RIMS1: variants seen among roughly 807,000 people sequenced by gnomAD.
RIMS1 encodes regulating synaptic membrane exocytosis 1, also known as regulating synaptic membrane exocytosis protein 1.
A neutral mutation model predicts 214.1 loss-of-function variants in RIMS1; 83 were observed. That is an observed-to-expected ratio of 0.39 (90% CI 0.32 to 0.47). The LOEUF (loss-of-function observed/expected upper bound fraction) is 0.47, where lower values mean the gene tolerates loss of function less well. Ranked by LOEUF, RIMS1 falls within the 20% of genes least tolerant of loss-of-function variation. The pLI, the probability that RIMS1 is intolerant of heterozygous loss-of-function variation, is 0.99. For synonymous variants in RIMS1, 793 were observed against 786.8 expected (o/e 1.01, Z -0.13); for missense variants, 2,050 against 2,161.8 (o/e 0.95, Z 1.03).
chr6:72,072,270 T>A (rs1252868697), intron 2 of RIMS1, among the ~76,000 whole-genome samples: 5 of 152,202 alleles, frequency 3.3e-5, no homozygotes, highest in Non-Finnish European at 5.9e-5. Context: ...ATTTGCAGAG[T>A]ATTTTTTAAA....
At chr6:72,143,323 A>T (rs1278067333) in intron 4 of RIMS1, among the ~76,000 whole-genome samples, 1 of 152,226 alleles carries the variant, frequency 6.6e-6, no homozygotes, top group Non-Finnish European at 1.5e-5. Flanking sequence ...AATTTGAGCC[A>T]TATCAAAATA....
intron 1 of RIMS1, among the ~76,000 whole-genome samples, chr6:71,939,352 C>T (rs1785362737): frequency 6.6e-6 from 1 of 152,210 alleles, no homozygotes; most frequent in African/African-American, 2.4e-5. Flanking sequence ...CCTGGCAATA[C>T]AGGCTTTTGG....
chr6:72,376,915 A>T (rs9442775), intron 29 of RIMS1, among the ~76,000 whole-genome samples: 29,995 of 152,050 alleles, frequency 0.2, 3,209 homozygotes, highest in Middle Eastern at 0.28. Context: ...AAAATAAAGG[A>T]TTCATTGTTT....
At position 72,062,149 on chromosome 6, in the gene RIMS1, GT is replaced by G. The variant is rs543367401; in HGVS notation, c.246-34794del. Among the ~76,000 whole-genome samples the G allele has an allele frequency of 1.3e-3, 201 of 152,164 alleles. 2 individuals are homozygous for G. The highest frequency in any genetic ancestry group is 1.7e-3 in the Non-Finnish European group (118 of 67,988). ...TTCAAATTCATTATTAGATTTAGGG[GT>G]TTTTTCTATTTATTTCTTAATATTT... On this transcript the variant is annotated intron_variant, in intron 2 of 33. Transcript: ENST00000521978.
intron 2 of RIMS1, among the ~76,000 whole-genome samples, chr6:71,994,442 C>T (rs1467622252): frequency 3.3e-5 from 5 of 152,076 alleles, no homozygotes; most frequent in Non-Finnish European, 5.9e-5. Flanking sequence ...TAGCTGCCCT[C>T]AAGAAGCATA....
chr6:72,341,745 G>A (rs1375293490), intron 29 of RIMS1, among the ~76,000 whole-genome samples: 1 of 151,726 alleles, frequency 6.6e-6, no homozygotes, highest in Non-Finnish European at 1.5e-5. Context: ...GTTATCAAAG[G>A]TAGTGGGGAG....
At chr6:72,366,915 G>A in intron 29 of RIMS1, 2 of 940,560 alleles carry the variant, frequency 2.1e-6, no homozygotes, top group Non-Finnish European at 2.5e-6. Context: ...AGGGGAGTTT[G>A]TTTATTTATA....
Position 72,194,617 on chromosome 6 carries a change from A to G in RIMS1, c.1678+11468A>G, listed in dbSNP as rs570689803. 6.6e-5 allele frequency among the ~76,000 whole-genome samples: 10 copies of G among 152,302 alleles called. No homozygotes were observed. In the East Asian group the frequency reaches 1.3e-3, roughly 21 times the overall value. ...TCAAAGGGACATTTCTCCTTGATGT[A>G]TTGATATAATATTCCTATGTGTTTT... On this transcript the variant is annotated intron_variant, in intron 6 of 33. Transcript: ENST00000521978.
intron 24 of RIMS1, among the ~76,000 whole-genome samples, chr6:72,288,826 G>T (rs2092842525): frequency 6.6e-6 from 1 of 152,082 alleles, no homozygotes; most frequent in African/African-American, 2.4e-5. Context: ...TCTCATGCTT[G>T]TTACAGAGTG....
chr6:72,279,547 A>G (rs986861490), intron 23 of RIMS1, among the ~76,000 whole-genome samples: 2 of 152,062 alleles, frequency 1.3e-5, no homozygotes, highest in Non-Finnish European at 2.9e-5. Flanking sequence ...CCAAGTAAAT[A>G]TTCTTTATGA....
chr6:71,924,681 C>T (rs1229596494), intron 1 of RIMS1, among the ~76,000 whole-genome samples: 1 of 148,342 alleles, frequency 6.7e-6, no homozygotes, highest in East Asian at 2.0e-4. Context: ...GTGGTGTGTG[C>T]CTATAGTCCC....
chr6:72,276,815 A>G (rs2086708824), intron 23 of RIMS1, among the ~76,000 whole-genome samples: 1 of 152,232 alleles, frequency 6.6e-6, no homozygotes, highest in Non-Finnish European at 1.5e-5. Context: ...GGCAAATCGT[A>G]ATGAACGTTG....
intron 29 of RIMS1, among the ~76,000 whole-genome samples, chr6:72,353,905 G>T (rs765162629): frequency 6.6e-6 from 1 of 152,092 alleles, no homozygotes; most frequent in Non-Finnish European, 1.5e-5. Context: ...AGTAACTGGG[G>T]GTTGGCAGAG....
chr6:72,344,477 G>A (rs2097196111), intron 29 of RIMS1, among the ~76,000 whole-genome samples: 1 of 151,744 alleles, frequency 6.6e-6, no homozygotes, highest in Admixed American at 6.6e-5. Context: ...TTCAGAAACT[G>A]AAAGCTACAG....
chr6:72,229,556 T>C (rs192413351), intron 6 of RIMS1, among the ~76,000 whole-genome samples: 186 of 152,014 alleles, frequency 1.2e-3, no homozygotes, highest in Non-Finnish European at 2.0e-3. Flanking sequence ...TTCTAGGACT[T>C]TGCTGTATAG....
At chr6:71,964,898 G>C (rs2151295360) in intron 1 of RIMS1, among the ~76,000 whole-genome samples, 2 of 152,150 alleles carry the variant, frequency 1.3e-5, no homozygotes, top group South Asian at 2.1e-4. Flanking sequence ...TAGAAGGAAA[G>C]GTGGCCAGCT....
intron 29 of RIMS1, among the ~76,000 whole-genome samples, chr6:72,387,026 G>A (rs1420988961): frequency 2.0e-5 from 3 of 152,074 alleles, no homozygotes; most frequent in Non-Finnish European, 4.4e-5. Flanking sequence ...GAGCCACTGC[G>A]CTCGGCCTAT....
chr6:72,112,126 CT>C (rs900625087), intron 4 of RIMS1, among the ~76,000 whole-genome samples: 10 of 152,212 alleles, frequency 6.6e-5, no homozygotes, highest in African/African-American at 2.2e-4. Flanking sequence ...GTTAACAAAA[CT>C]AAAAATCTTG....
chr6:71,979,731 T>A (rs1300025512), intron 2 of RIMS1, among the ~76,000 whole-genome samples: 1 of 152,052 alleles, frequency 6.6e-6, no homozygotes, highest in African/African-American at 2.4e-5. Flanking sequence ...AAGTTTATAT[T>A]CCATGACATA....
Sources: gnomAD v4.1 joint callset for allele counts (sites outside exome capture counted in the v4.1 genomes callset) on GRCh38, gnomAD v4.1.1 for gene constraint, MANE v1.5 for transcripts, NCBI Gene and HGNC (gene_info 2026-07-23, HGNC 2026-07-21) for gene names.